The following LTV1 variants were observed in gnomAD, a reference collection of about 807,000 sequenced individuals.
LTV1 encodes the protein protein LTV1 homolog.
LTV1 carries 39 observed loss-of-function variants against 59.9 expected under a neutral mutation model. The ratio of observed to expected loss-of-function variants is 0.65; its 90% CI spans 0.50 to 0.85. The LOEUF (loss-of-function observed/expected upper bound fraction) is 0.85, where lower values mean the gene tolerates loss of function less well. Ranked by LOEUF, LTV1 falls within the 40% of genes least tolerant of loss-of-function variation. LTV1 has a pLI of 0.00. For synonymous variants in LTV1, 171 were observed against 189.5 expected (o/e 0.90, Z 0.80); for missense variants, 493 against 549.1 (o/e 0.90, Z 1.02).
In LTV1 at chr6:143,857,730, T is replaced by C; in HGVS notation, c.540-22T>C. The C allele has an allele frequency of 8.7e-6, 14 of 1,612,200 alleles. No homozygotes were observed. Among genetic ancestry groups the C allele is most frequent in the Non-Finnish European group, 1.2e-5 (14 of 1,178,460 alleles). On this transcript the variant is annotated intron_variant, in intron 5 of 10. Transcript: ENST00000367576. This position sits in a 1 kb window ranked among gnomAD's most constrained non-coding sequence, Gnocchi z 5.2. ...TTACTTTTTAAGTTGTTTTGGTAGG[T>C]AATTTATGACCTTTACTTTAGGAAA...
intron 6 of LTV1, among the ~76,000 whole-genome samples, chr6:143,859,364 T>G (rs191051931): frequency 6.6e-6 from 1 of 152,346 alleles, no homozygotes; most frequent in Admixed American, 6.5e-5. Context: ...TCTAATGTTG[T>G]GCTTTATTAT....
At chr6:143,861,708 C>T (rs1777167715) in intron 7 of LTV1, among the ~76,000 whole-genome samples, 1 of 152,112 alleles carries the variant, frequency 6.6e-6, no homozygotes, top group African/African-American at 2.4e-5. Flanking sequence ...TTCAAATCAG[C>T]TAGAAAGGTC....
intron 4 of LTV1, among the ~76,000 whole-genome samples, chr6:143,851,036 G>A (rs1776973847): frequency 6.6e-6 from 1 of 151,758 alleles, no homozygotes; most frequent in South Asian, 2.1e-4. Context: ...AGGGGGAGGG[G>A]TGGGGACCAG....
intron 6 of LTV1, 122 bp downstream of exon 6, chr6:143,858,129 T>C (rs1313933028): frequency 1.1e-6 from 1 of 900,312 alleles, no homozygotes; most frequent in Non-Finnish European, 1.7e-6. Flanking sequence ...ATAGGAAGTT[T>C]ACAACTATCC....
rs1020279962 is a variant in LTV1 at position 143,843,359 on chromosome 6, G to C, written c.-119G>C. 2.4e-6 allele frequency: 3 copies of C among 1,255,570 alleles called. No homozygotes were observed. Among genetic ancestry groups the C allele is most frequent in the Non-Finnish European group, 3.5e-6 (3 of 864,034 alleles). The allele number at this position is 1,255,570 out of a possible 1,614,324, so 77.8% of individuals were successfully genotyped here. On this transcript the variant is annotated 5_prime_UTR_variant, in exon 1 of 11. Transcript: ENST00000367576. ...CTGGGTGACGTTATCGCCGGGTCCTGGGGCTGCACGTGTGGTGAGGCCTAC... is the reference window on the plus strand; with the variant it reads ...CTGGGTGACGTTATCGCCGGGTCCTCGGGCTGCACGTGTGGTGAGGCCTAC...
In LTV1 at chr6:143,863,570, C is replaced by T; in HGVS notation, c.*43C>T. Reference sequence around the variant, plus strand: ...GCAAGGCACTTTATTAGGGGCTCCTCATCTTTGGTTATTGACTAGAAACTT... The same window carrying T: ...GCAAGGCACTTTATTAGGGGCTCCTTATCTTTGGTTATTGACTAGAAACTT... On this transcript the variant is annotated 3_prime_UTR_variant, in exon 11 of 11. Coordinates refer to ENST00000367576, the MANE Select transcript of LTV1 (RefSeq NM_032860.5). This position sits in a 1 kb window ranked among gnomAD's most constrained non-coding sequence, Gnocchi z 4.5. The T allele has an allele frequency of 3.8e-6, 5 of 1,301,352 alleles. No homozygotes were observed. The highest frequency in any genetic ancestry group is 2.3e-5 in the East Asian group (1 of 42,676). 80.6% of individuals were successfully genotyped at this position (1,301,352 alleles called of 1,614,324 possible).
At position 143,850,054 on chromosome 6, in the gene LTV1, G is replaced by T. The variant is rs566086303; in HGVS notation, c.310-77G>T. 2.5e-4 allele frequency: 263 copies of T among 1,072,206 alleles called. No homozygotes were observed. The African/African-American group carries it at 3.1e-3, about 13-fold the overall frequency. The allele number at this position is 1,072,206 out of a possible 1,614,324, so 66.4% of individuals were successfully genotyped here. ...AAGGTTCTGGATGGACATTGATTTGGGGGGGACTTCAACCCGGTACACTAG... is the reference window on the plus strand; with the variant it reads ...AAGGTTCTGGATGGACATTGATTTGTGGGGGACTTCAACCCGGTACACTAG... On this transcript the variant is annotated intron_variant, in intron 3 of 10. Coordinates refer to ENST00000367576, the MANE Select transcript of LTV1 (RefSeq NM_032860.5).
rs1273080798 is a variant in LTV1 at position 143,843,461 on chromosome 6, C to T, written c.-17C>T. ...CATCGCCGCCCCTGTTGGGGGTGAG[C>T]GCCGCGCGGCTGCAGCATGGTGAGC... On this transcript the variant is annotated 5_prime_UTR_variant, in exon 1 of 11. Coordinates refer to ENST00000367576, the MANE Select transcript of LTV1 (RefSeq NM_032860.5). 1 of 1,613,140 alleles carries T rather than the reference C, an allele frequency of 6.2e-7. No individual in the cohort carries two copies. The highest frequency in any genetic ancestry group is 8.5e-7 in the Non-Finnish European group (1 of 1,179,934).
At position 143,863,145 on chromosome 6, in the gene LTV1, A is replaced by G. The variant is rs368750472; in HGVS notation, c.1176A>G (p.Lys392=). The G allele has an allele frequency of 5.6e-6, 9 of 1,613,922 alleles. No homozygotes were observed. Among genetic ancestry groups the G allele is most frequent in the Non-Finnish European group, 6.8e-6 (8 of 1,179,952 alleles). ...TACCTCTCAATGTCTTACCAAAGAA[A>G]GGACTCACAGCAAAGCAAACTGAAA... is the stretch of plus-strand genomic sequence containing the variant. ...TGIPLNVLPK[K]GLTAKQTERI... The change falls in exon 10 of 11, where the codon AAA becomes AAG. Residue 392 remains lysine (K), a synonymous_variant. Transcript: ENST00000367576. This position sits in a 1 kb window ranked among gnomAD's most constrained non-coding sequence, Gnocchi z 4.5.
At chr6:143,845,985 GA>G in intron 2 of LTV1, 65 bp from the exon 3 acceptor site, 1 of 1,490,262 alleles carries the variant, frequency 6.7e-7, no homozygotes, top group Non-Finnish European at 9.2e-7. Flanking sequence ...CTTATCCTTG[GA>G]AGGCTTACTG....
intron 3 of LTV1, among the ~76,000 whole-genome samples, chr6:143,847,140 C>T (rs372929949): frequency 2.5e-4 from 38 of 152,280 alleles, no homozygotes; most frequent in African/African-American, 8.2e-4. Context: ...TCTTTTGTAA[C>T]GCCCCAAATC....
At chr6:143,845,959 T>G (rs1776882210) in intron 2 of LTV1, 92 bp from the exon 3 acceptor site, 1 of 1,237,598 alleles carries the variant, frequency 8.1e-7, no homozygotes, top group Non-Finnish European at 1.1e-6. Context: ...CTGTACTCAT[T>G]GTAATATTCC....
intron 3 of LTV1, among the ~76,000 whole-genome samples, chr6:143,848,607 A>ATT (rs1776932874): frequency 6.6e-6 from 1 of 152,214 alleles, no homozygotes; most frequent in Non-Finnish European, 1.5e-5. Flanking sequence ...ACAGAGATAA[A>ATT]TAACACATGG....
chr6:143,844,378 A>T, intron 1 of LTV1, 108 bp from the exon 2 acceptor site: 21 of 1,239,384 alleles, frequency 1.7e-5, no homozygotes, highest in Non-Finnish European at 2.2e-5. Context: ...GTAGATTTTT[A>T]AAAAGTATCT....
intron 3 of LTV1, among the ~76,000 whole-genome samples, chr6:143,847,567 G>C (rs1425038289): frequency 6.6e-6 from 1 of 152,160 alleles, no homozygotes; most frequent in Non-Finnish European, 1.5e-5. Context: ...CTCCGTGTTG[G>C]TCAGGCTGGT....
At chr6:143,860,326 T>C in intron 6 of LTV1, 100 bp from the exon 7 acceptor site, 5 of 932,910 alleles carry the variant, frequency 5.4e-6, no homozygotes, top group Non-Finnish European at 8.0e-6. Context: ...CCTGAATAAC[T>C]ATTGTGTAAG....
Position 143,860,530 on chromosome 6 carries a change from CTACTA to C in LTV1, c.903_907del (p.Tyr301Ter). Reference sequence around the variant, plus strand: ...ATCGCTTACAGGAAGTTTTGAATGACTACTATAAAGAGAAGGCAGAGAAGTATAGT... The same window carrying C: ...ATCGCTTACAGGAAGTTTTGAATGACTAAAGAGAAGGCAGAGAAGTATAGT... On this transcript the variant is annotated frameshift_variant, in exon 7 of 11. Transcript: ENST00000367576. LOFTEE classifies it high-confidence loss of function. 3 of 1,613,314 alleles carry C rather than the reference CTACTA, an allele frequency of 1.9e-6. No individual in the cohort carries two copies. Among genetic ancestry groups the C allele is most frequent in the African/African-American group, 1.3e-5 (1 of 74,998 alleles).
At chr6:143,860,280 A>T (rs1777139870) in intron 6 of LTV1, 146 bp from the exon 7 acceptor site, 1 of 629,346 alleles carries the variant, frequency 1.6e-6, no homozygotes, top group Admixed American at 3.0e-5. Flanking sequence ...GTTGCATTAA[A>T]TCCCTACTGA....
rs1329328440 is a variant in LTV1 at position 143,862,282 on chromosome 6, T to C, written c.1063+39T>C. Reference sequence around the variant, plus strand: ...CTTTATGATAGTAATTTTAAAGTATTAAAGTATATCAACTTTAGGCTGGGT... The same window carrying C: ...CTTTATGATAGTAATTTTAAAGTATCAAAGTATATCAACTTTAGGCTGGGT... On this transcript the variant is annotated intron_variant, in intron 8 of 10. Transcript: ENST00000367576. The surrounding 1 kb of genome is among the most constrained non-coding windows in gnomAD (Gnocchi z 4.2). 1 of 1,580,950 alleles carries C rather than the reference T, an allele frequency of 6.3e-7. No homozygotes were observed. Among genetic ancestry groups the C allele is most frequent in the Non-Finnish European group, 8.7e-7 (1 of 1,153,056 alleles).
Sources: gnomAD v4.1 joint callset for allele counts (sites outside exome capture counted in the v4.1 genomes callset) on GRCh38, gnomAD v4.1.1 for gene constraint, Gnocchi (gnomAD v3.1) non-coding constraint, MANE v1.5 for transcripts, NCBI Gene and HGNC (gene_info 2026-07-23, HGNC 2026-07-21) for gene names.